The following UBAC2 variants were observed in gnomAD, a reference collection of about 807,000 sequenced individuals.
UBAC2 encodes the protein UBA domain containing 2.
UBAC2 carries 26 observed loss-of-function variants against 44.0 expected under a neutral mutation model. The observed-to-expected ratio is 0.59, with a 90% CI of 0.43 to 0.82. UBAC2 has a LOEUF of 0.82. UBAC2 is among the 40% of genes least tolerant of loss of function. UBAC2 has a pLI of 0.00. For missense variants in UBAC2, 329 were observed against 419.4 expected, an observed-to-expected ratio of 0.78 and a Z score of 1.88; for synonymous variants, 155 against 154.3, an observed-to-expected ratio of 1.00 and a Z score of -0.04.
rs760257428 is a variant in UBAC2 at position 99,340,392 on chromosome 13, A to AAATTCTTTT, written c.635_643dup (p.Phe214_Ser215insTer). ...GCTCTGCATCCCCAGCTGGATGGCA[A>AAATTCTTTT]AATTCTTTTCTTGGACACTTGAACC... On this transcript the variant is annotated stop_gained and inframe_insertion, in exon 7 of 9. Transcript: ENST00000403766. LOFTEE classifies it high-confidence loss of function. 3.1e-6 allele frequency: 5 copies of AAATTCTTTT among 1,614,206 alleles called. No homozygotes were observed. Among genetic ancestry groups the AAATTCTTTT allele is most frequent in the Non-Finnish European group, 4.2e-6 (5 of 1,180,044 alleles).
At chr13:99,338,325 A>G (rs759531825) in intron 6 of UBAC2, among the ~76,000 whole-genome samples, 6 of 151,930 alleles carry the variant, frequency 3.9e-5, no homozygotes, top group Non-Finnish European at 7.4e-5. Flanking sequence ...CCCAAAGTGC[A>G]GGGATGACAG....
At chr13:99,241,535 A>G (rs1043013165) in intron 2 of UBAC2, among the ~76,000 whole-genome samples, 5 of 152,196 alleles carry the variant, frequency 3.3e-5, no homozygotes, top group South Asian at 2.1e-4. Context: ...GGTATCTAAT[A>G]TAAGCAAATT....
chr13:99,241,303 A>G (rs972401897), intron 2 of UBAC2, among the ~76,000 whole-genome samples: 6 of 151,794 alleles, frequency 4.0e-5, no homozygotes, highest in Admixed American at 2.6e-4. Flanking sequence ...TACTATTACC[A>G]ATGTTCGCAG....
At chr13:99,287,406 G>A (rs975857604) in intron 4 of UBAC2, among the ~76,000 whole-genome samples, 7 of 151,996 alleles carry the variant, frequency 4.6e-5, no homozygotes, top group African/African-American at 1.7e-4. Flanking sequence ...TTTTGATAAT[G>A]TCGTCTTCTT....
intron 8 of UBAC2, among the ~76,000 whole-genome samples, chr13:99,383,768 T>A (rs1415666374): frequency 6.6e-6 from 1 of 152,252 alleles, no homozygotes; most frequent in Non-Finnish European, 1.5e-5. Context: ...AAGCCCTGGC[T>A]GGACTCCAGC....
chr13:99,282,336 G>A lies in UBAC2; in HGVS notation c.390-31761G>A, dbSNP rs534354770. ...CCTTGAGGAGCTCATGACCTAGGAA[G>A]CTTGTTGAGAACTTTTGACTAGGTA... is the stretch of plus-strand genomic sequence containing the variant. On this transcript the variant is annotated intron_variant, in intron 4 of 8. Transcript: ENST00000403766. Among the ~76,000 whole-genome samples, 7 of 152,346 alleles carry A rather than the reference G, an allele frequency of 4.6e-5. No homozygotes were observed. In the South Asian group the frequency reaches 1.4e-3, roughly 32 times the overall value.
At chr13:99,238,657 A>C in intron 2 of UBAC2, 103 bp downstream of exon 2, 1 of 1,043,688 alleles carries the variant, frequency 9.6e-7, no homozygotes, top group Non-Finnish European at 1.3e-6. Flanking sequence ...AAAGCCCCCA[A>C]TTTGTAAGAA....
chr13:99,220,473 T>G (rs1296039655), intron 1 of UBAC2, among the ~76,000 whole-genome samples: 3 of 152,226 alleles, frequency 2.0e-5, no homozygotes, highest in Non-Finnish European at 4.4e-5. Flanking sequence ...CAAGCCTGAT[T>G]AGTATTTATT....
intron 4 of UBAC2, among the ~76,000 whole-genome samples, chr13:99,309,356 G>A (rs2044381737): frequency 6.6e-6 from 1 of 152,106 alleles, no homozygotes; most frequent in African/African-American, 2.4e-5. Context: ...TGATCTGCCT[G>A]CATTGGCCTC....
At chr13:99,283,987 C>G (rs574068441) in intron 4 of UBAC2, among the ~76,000 whole-genome samples, 1 of 152,254 alleles carries the variant, frequency 6.6e-6, no homozygotes, top group South Asian at 2.1e-4. Context: ...TCTGCCTTGG[C>G]CTCCCAAAGT....
chr13:99,356,117 A>G (rs2045177569), intron 7 of UBAC2: 1 of 527,162 alleles, frequency 1.9e-6, no homozygotes, highest in Non-Finnish European at 3.9e-6. Flanking sequence ...CTTGGGACAC[A>G]TGTCTGTCAG....
intron 6 of UBAC2, among the ~76,000 whole-genome samples, chr13:99,327,586 A>G (rs1198802760): frequency 6.6e-6 from 1 of 152,098 alleles, no homozygotes; most frequent in Admixed American, 6.6e-5. Context: ...GGAAGGGACT[A>G]TGGTAAAATT....
intron 4 of UBAC2, among the ~76,000 whole-genome samples, chr13:99,289,238 A>C (rs2044059608): frequency 6.6e-6 from 1 of 152,222 alleles, no homozygotes; most frequent in African/African-American, 2.4e-5. Flanking sequence ...AAAGCCAGAT[A>C]AGTTGAGGAA....
intron 8 of UBAC2, among the ~76,000 whole-genome samples, chr13:99,375,183 C>T (rs559161238): frequency 1.7e-4 from 26 of 152,246 alleles, no homozygotes; most frequent in Admixed American, 3.9e-4. Context: ...CATACAAGAC[C>T]CTGACGAGGC....
intron 4 of UBAC2, among the ~76,000 whole-genome samples, chr13:99,298,938 T>C (rs1015000984): frequency 6.6e-6 from 1 of 152,220 alleles, no homozygotes; most frequent in African/African-American, 2.4e-5. Context: ...TCTTTGAAAA[T>C]GTATTTTTTT....
chr13:99,344,460 T>G (rs954693033), intron 7 of UBAC2, among the ~76,000 whole-genome samples: 2 of 152,252 alleles, frequency 1.3e-5, no homozygotes, highest in Non-Finnish European at 2.9e-5. Context: ...TGTTGTTTGC[T>G]CCTGTATCTT....
At chr13:99,241,279 AAAAAG>A (rs1412021304) in intron 2 of UBAC2, among the ~76,000 whole-genome samples, 7 of 151,496 alleles carry the variant, frequency 4.6e-5, no homozygotes, top group Middle Eastern at 3.4e-3. Context: ...AAAAAAAAAA[AAAAAG>A]AAAAGAGTTA....
At chr13:99,365,790 A>G (rs540085482) in intron 7 of UBAC2, among the ~76,000 whole-genome samples, 2 of 152,226 alleles carry the variant, frequency 1.3e-5, no homozygotes, top group South Asian at 4.1e-4. Flanking sequence ...TATTTTTTAT[A>G]TTATTTTTTG....
intron 6 of UBAC2, among the ~76,000 whole-genome samples, chr13:99,334,148 T>TG (rs1213115150): frequency 5.3e-5 from 8 of 151,896 alleles, no homozygotes; most frequent in Non-Finnish European, 1.0e-4. Context: ...TTTTTAGAGA[T>TG]GGGGGTCTTG....
Sources: gnomAD v4.1 joint callset for allele counts (sites outside exome capture counted in the v4.1 genomes callset) on GRCh38, gnomAD v4.1.1 for gene constraint, MANE v1.5 for transcripts, NCBI Gene and HGNC (gene_info 2026-07-23, HGNC 2026-07-21) for gene names.